The following DAB1 variants were observed in gnomAD, a reference collection of about 807,000 sequenced individuals.
DAB1 encodes disabled homolog 1.
DAB1 carries 15 observed loss-of-function variants against 64.6 expected under a neutral mutation model. That is an observed-to-expected ratio of 0.23 (90% CI 0.16 to 0.36). The LOEUF is 0.36. DAB1 is among the 10% of genes least tolerant of loss of function. DAB1 has a pLI of 1.00. For synonymous variants in DAB1, 235 were observed against 251.9 expected, an observed-to-expected ratio of 0.93 and a Z score of 0.64; for missense variants, 596 against 706.7, an observed-to-expected ratio of 0.84 and a Z score of 1.78.
At chr1:57,165,634 A>G (rs1472282995) in intron 2 of DAB1, among the ~76,000 whole-genome samples, 1 of 152,218 alleles carries the variant, frequency 6.6e-6, no homozygotes, top group Admixed American at 6.5e-5. Context: ...AAAAATTTCA[A>G]CTGCCCTAAG....
chr1:57,702,724 G>A (rs1646920963), intron 6 of DAB1, among the ~76,000 whole-genome samples: 3 of 152,082 alleles, frequency 2.0e-5, no homozygotes, highest in African/African-American at 4.8e-5. Context: ...TTAGAAGTCA[G>A]GCAAATTCTT....
At chr1:57,621,025 G>A (rs28621926) in intron 7 of DAB1, among the ~76,000 whole-genome samples, 5,015 of 152,128 alleles carry the variant, frequency 0.033, 294 homozygotes, top group African/African-American at 0.12. Flanking sequence ...GTGTGTGTGT[G>A]TGTGAGAGAG....
At chr1:57,435,466 TA>T (rs1436145010) in intron 7 of DAB1, among the ~76,000 whole-genome samples, 1 of 152,254 alleles carries the variant, frequency 6.6e-6, no homozygotes, top group Non-Finnish European at 1.5e-5. Flanking sequence ...GCTTAAAACA[TA>T]AACACATTGT....
At chr1:57,197,839 C>A (rs1664759173) in intron 2 of DAB1, among the ~76,000 whole-genome samples, 1 of 152,066 alleles carries the variant, frequency 6.6e-6, no homozygotes, top group South Asian at 2.1e-4. Context: ...TTTTAAAACC[C>A]AGGGAATGTA....
At chr1:57,042,565 T>C (rs1647925493) in intron 9 of DAB1, among the ~76,000 whole-genome samples, 1 of 152,188 alleles carries the variant, frequency 6.6e-6, no homozygotes, top group South Asian at 2.1e-4. Context: ...TATGGCCTTG[T>C]AGAGACTCTA....
chr1:57,337,378 AAC>A (rs1558191472), intron 1 of DAB1, among the ~76,000 whole-genome samples: 1 of 151,974 alleles, frequency 6.6e-6, no homozygotes, highest in African/African-American at 2.4e-5. Flanking sequence ...CCATCCTTCA[AAC>A]ACACAGGGCT....
chr1:57,951,677 G>A (rs906199367), intron 5 of DAB1, among the ~76,000 whole-genome samples: 1 of 152,024 alleles, frequency 6.6e-6, no homozygotes, highest in African/African-American at 2.4e-5. Context: ...TTGAGGTAAC[G>A]CTCATAACTG....
At chr1:57,478,530 T>C (rs1417052309) in intron 7 of DAB1, among the ~76,000 whole-genome samples, 2 of 151,766 alleles carry the variant, frequency 1.3e-5, no homozygotes, top group Non-Finnish European at 2.9e-5. Context: ...CATGTTATAA[T>C]AGATGCTCTC....
intron 4 of DAB1, among the ~76,000 whole-genome samples, chr1:57,089,689 C>T (rs1003633767): frequency 6.6e-6 from 1 of 152,168 alleles, no homozygotes; most frequent in African/African-American, 2.4e-5. Context: ...CCAAACACCT[C>T]CCACCAGGCC....
At chr1:58,480,950 C>A in intron 3 of DAB1, 2 of 848,718 alleles carry the variant, frequency 2.4e-6, no homozygotes, top group South Asian at 1.4e-5. Context: ...TATCTTGTGT[C>A]TCATAAATTT....
intron 4 of DAB1, among the ~76,000 whole-genome samples, chr1:57,125,716 CT>C (rs1312071849): frequency 6.6e-6 from 1 of 152,092 alleles, no homozygotes; most frequent in Non-Finnish European, 1.5e-5. Flanking sequence ...TTTATGCAAC[CT>C]TCTACTCATC....
intron 4 of DAB1, among the ~76,000 whole-genome samples, chr1:57,076,723 G>C (rs1437966079): frequency 6.6e-6 from 1 of 152,216 alleles, no homozygotes; most frequent in African/African-American, 2.4e-5. Flanking sequence ...GGAAGGCATA[G>C]CTCTGACATG....
intron 6 of DAB1, among the ~76,000 whole-genome samples, chr1:57,739,160 G>T (rs1157530525): frequency 6.6e-6 from 1 of 152,028 alleles, no homozygotes; most frequent in East Asian, 1.9e-4. Context: ...GACTTTAAAG[G>T]ATAAATATTA....
At chr1:57,473,278 T>C (rs1189475793) in intron 7 of DAB1, among the ~76,000 whole-genome samples, 1 of 152,226 alleles carries the variant, frequency 6.6e-6, no homozygotes, top group African/African-American at 2.4e-5. Context: ...TGGTAGAGGC[T>C]GGCAGTGCCA....
At chr1:57,708,724 G>A (rs948778870) in intron 6 of DAB1, among the ~76,000 whole-genome samples, 1 of 152,110 alleles carries the variant, frequency 6.6e-6, no homozygotes, top group Non-Finnish European at 1.5e-5. Flanking sequence ...TGATACGACA[G>A]TACCGAGTCC....
intron 1 of DAB1, among the ~76,000 whole-genome samples, chr1:58,535,110 T>C (rs537810511): frequency 1.3e-5 from 2 of 152,308 alleles, no homozygotes; most frequent in African/African-American, 4.8e-5. Context: ...TACTCACAGA[T>C]TGAAAGGAAA....
At chr1:57,550,031 T>C (rs1268964375) in intron 7 of DAB1, among the ~76,000 whole-genome samples, 1 of 152,132 alleles carries the variant, frequency 6.6e-6, no homozygotes, top group East Asian at 1.9e-4. Context: ...AACAGAAATA[T>C]GATATGGATG....
chr1:57,016,877 C>T (rs888407278), intron 11 of DAB1, among the ~76,000 whole-genome samples: 1 of 152,108 alleles, frequency 6.6e-6, no homozygotes. Flanking sequence ...GAAATCCCGG[C>T]AGGGTAGGTA....
At position 58,543,627 on chromosome 1, in the gene DAB1, G is replaced by A. The variant is rs534518331; in HGVS notation, n.32+3076C>T. 1.3e-3 allele frequency among the ~76,000 whole-genome samples: 198 copies of A among 152,078 alleles called. 2 individuals carry two copies. The highest frequency in any genetic ancestry group is 2.2e-3 in the Non-Finnish European group (152 of 67,988). On this transcript the variant is annotated intron_variant and non_coding_transcript_variant, in intron 1 of 20. Coordinates refer to the DAB1 transcript ENST00000485760. ...AACCCTGGCAACAGAATCCTACCCC[G>A]ACAATTAACATACAGTCCTACCCTG...
Sources: allele counts gnomAD v4.1 joint callset (sites outside exome capture counted in the v4.1 genomes callset), GRCh38; gene constraint gnomAD v4.1.1; transcripts MANE v1.5; gene names NCBI Gene and HGNC (gene_info 2026-07-23, HGNC 2026-07-21).